CTNND2: variants seen among roughly 807,000 people sequenced by gnomAD.
The protein encoded by CTNND2 is catenin delta 2.
A neutral mutation model predicts 144.4 loss-of-function variants in CTNND2; 22 were observed. That is an observed-to-expected ratio of 0.15 (90% CI 0.11 to 0.22). The LOEUF is 0.22. Ranked by LOEUF, CTNND2 falls within the 10% of genes least tolerant of loss-of-function variation. The pLI, the probability that CTNND2 is intolerant of heterozygous loss-of-function variation, is 1.00. For missense variants in CTNND2, 1,353 were observed against 1,618.8 expected, an observed-to-expected ratio of 0.84 and a Z score of 2.82; for synonymous variants, 751 against 695.6, an observed-to-expected ratio of 1.08 and a Z score of -1.25.
At chr5:11,879,575 C>T (rs1168982544) in intron 1 of CTNND2, among the ~76,000 whole-genome samples, 1 of 151,774 alleles carries the variant, frequency 6.6e-6, no homozygotes, top group Non-Finnish European at 1.5e-5. Flanking sequence ...TTTCCAATCA[C>T]AATTCACATC....
intron 3 of CTNND2, among the ~76,000 whole-genome samples, chr5:11,524,012 A>G (rs958059777): frequency 6.6e-6 from 1 of 152,186 alleles, no homozygotes; most frequent in African/African-American, 2.4e-5. Context: ...GATCCTCATA[A>G]ATCATCATGG....
intron 14 of CTNND2, among the ~76,000 whole-genome samples, chr5:11,109,912 T>C (rs1325141776): frequency 6.6e-6 from 1 of 152,226 alleles, no homozygotes; most frequent in African/African-American, 2.4e-5. Flanking sequence ...TATACAAAAC[T>C]GGCCAGATTG....
chr5:11,083,948 G>A, intron 15 of CTNND2: 1 of 1,124,398 alleles, frequency 8.9e-7, no homozygotes, highest in Non-Finnish European at 1.1e-6. Context: ...CACATCCTCA[G>A]CCCAGCCCTG....
intron 18 of CTNND2, among the ~76,000 whole-genome samples, chr5:10,993,143 T>G (rs1738899301): frequency 6.6e-6 from 1 of 152,144 alleles, no homozygotes; most frequent in African/African-American, 2.4e-5. Flanking sequence ...CCTTCCCGTT[T>G]ACCTGCCTGT....
chr5:11,626,925 G>A (rs1781186209), intron 2 of CTNND2, among the ~76,000 whole-genome samples: 2 of 152,076 alleles, frequency 1.3e-5, no homozygotes, highest in African/African-American at 4.8e-5. Flanking sequence ...TTTTTTTGGT[G>A]TGCTGGAGGC....
chr5:11,669,705 A>G (rs1273309043), intron 2 of CTNND2, among the ~76,000 whole-genome samples: 5 of 151,246 alleles, frequency 3.3e-5, no homozygotes, highest in African/African-American at 1.2e-4. Context: ...CAGCTGCTGG[A>G]TTCATTGATT....
intron 2 of CTNND2, among the ~76,000 whole-genome samples, chr5:11,601,192 T>C (rs116540348): frequency 3.0e-4 from 46 of 152,276 alleles, no homozygotes; most frequent in Non-Finnish European, 5.3e-4. Context: ...CACATAAACA[T>C]AATGTTGAGC....
At chr5:11,285,615 C>T (rs1403900566) in intron 9 of CTNND2, among the ~76,000 whole-genome samples, 1 of 152,160 alleles carries the variant, frequency 6.6e-6, no homozygotes, top group Non-Finnish European at 1.5e-5. Flanking sequence ...AGACAGCTGG[C>T]CCCTCTGCAA....
intron 2 of CTNND2, among the ~76,000 whole-genome samples, chr5:11,711,358 A>G (rs1419980806): frequency 6.6e-6 from 1 of 152,144 alleles, no homozygotes; most frequent in East Asian, 1.9e-4. Flanking sequence ...CGCCGGGCCG[A>G]CTGGCCTAAT....
At chr5:11,626,605 T>C (rs975948286) in intron 2 of CTNND2, among the ~76,000 whole-genome samples, 2 of 152,174 alleles carry the variant, frequency 1.3e-5, no homozygotes, top group Non-Finnish European at 2.9e-5. Context: ...CACTCTGACT[T>C]TGTCTCTGGT....
At chr5:11,225,929 T>C (rs996401581) in intron 10 of CTNND2, among the ~76,000 whole-genome samples, 7 of 152,076 alleles carry the variant, frequency 4.6e-5, no homozygotes, top group Non-Finnish European at 5.9e-5. Context: ...GGAGAAGAGA[T>C]ACAGAAAGAA....
At chr5:11,086,140 G>A (rs1750111825) in intron 15 of CTNND2, among the ~76,000 whole-genome samples, 2 of 152,156 alleles carry the variant, frequency 1.3e-5, no homozygotes, top group South Asian at 4.1e-4. Context: ...CCAGAAGGGA[G>A]GAGACACATC....
chr5:11,810,484 GT>G (rs1458174173), intron 1 of CTNND2, among the ~76,000 whole-genome samples: 1 of 7,260 alleles, frequency 1.4e-4, no homozygotes, highest in Non-Finnish European at 0.062. Flanking sequence ...TGAAAATTAA[GT>G]GTGCATTGCA....
chr5:11,212,730 C>T (rs1173139080), intron 10 of CTNND2, among the ~76,000 whole-genome samples: 1 of 152,178 alleles, frequency 6.6e-6, no homozygotes, highest in African/African-American at 2.4e-5. Context: ...CCTGGCTCCA[C>T]AGAGAGACCA....
intron 3 of CTNND2, among the ~76,000 whole-genome samples, chr5:11,496,275 T>G (rs374118205): frequency 6.6e-6 from 1 of 152,324 alleles, no homozygotes; most frequent in Admixed American, 6.5e-5. Flanking sequence ...AATGAGTGGT[T>G]TCAGGTGCAC....
intron 2 of CTNND2, chr5:11,588,821 G>A: frequency 1.0e-6 from 1 of 985,268 alleles, no homozygotes; most frequent in Non-Finnish European, 1.2e-6. Flanking sequence ...CAAAGATGAA[G>A]GGTTACTCTT....
chr5:11,811,916 T>C (rs558180362), intron 1 of CTNND2, among the ~76,000 whole-genome samples: 1 of 152,334 alleles, frequency 6.6e-6, no homozygotes, highest in East Asian at 1.9e-4. Flanking sequence ...TTTATGATGA[T>C]TTTTAAAGAT....
chr5:11,433,332 A>T (rs1388088900), intron 3 of CTNND2, among the ~76,000 whole-genome samples: 1 of 143,912 alleles, frequency 6.9e-6, no homozygotes. Context: ...TGCACATTAA[A>T]GCCAAAATGA....
At chr5:11,785,002 T>G (rs1206424152) in intron 1 of CTNND2, among the ~76,000 whole-genome samples, 1 of 152,194 alleles carries the variant, frequency 6.6e-6, no homozygotes, top group East Asian at 1.9e-4. Context: ...ATGAGGATAA[T>G]TTGCACCAGT....
Sources: allele counts gnomAD v4.1 joint callset (sites outside exome capture counted in the v4.1 genomes callset), GRCh38; gene constraint gnomAD v4.1.1; transcripts MANE v1.5; gene names NCBI Gene and HGNC (gene_info 2026-07-23, HGNC 2026-07-21).